Variants in ZNF536 observed in about 807,000 individuals in gnomAD.
ZNF536 encodes the protein zinc finger protein 536.
In ZNF536, 13 loss-of-function variants were observed where a neutral mutation model predicts 84.5. The ratio of observed to expected loss-of-function variants is 0.15; its 90% CI spans 0.10 to 0.24. ZNF536 has a LOEUF of 0.24. ZNF536 is among the 10% of genes least tolerant of loss of function. ZNF536 has a pLI of 1.00. For missense variants in ZNF536, 1,536 were observed against 1,747.5 expected, an observed-to-expected ratio of 0.88 and a Z score of 2.16; for synonymous variants, 811 against 742.5, an observed-to-expected ratio of 1.09 and a Z score of -1.50.
chr19:30,347,565 C>T (rs1234036717), intron 2 of ZNF536, among the ~76,000 whole-genome samples: 6 of 152,282 alleles, frequency 3.9e-5, no homozygotes, highest in South Asian at 2.1e-4. Context: ...AATGGAGGCT[C>T]GGGGTCAGGA....
intron 1 of ZNF536, among the ~76,000 whole-genome samples, chr19:30,416,255 T>C (rs10424942): frequency 0.033 from 5,058 of 151,800 alleles, 291 homozygotes; most frequent in African/African-American, 0.12. Context: ...AGATACTAGT[T>C]AGAATTTTTT....
intron 1 of ZNF536, among the ~76,000 whole-genome samples, chr19:30,674,034 T>G (rs1331854137): frequency 3.3e-5 from 5 of 152,232 alleles, no homozygotes; most frequent in African/African-American, 1.2e-4. Flanking sequence ...TTTATGGGTT[T>G]GAGTATATTG....
At chr19:30,282,856 T>G (rs1335310210) in intron 1 of ZNF536, among the ~76,000 whole-genome samples, 1 of 152,194 alleles carries the variant, frequency 6.6e-6, no homozygotes, top group Non-Finnish European at 1.5e-5. Context: ...TGTAATTTCT[T>G]TCCGTGTTGG....
chr19:30,560,470 C>T (rs1425005737), downstream of ZNF536, among the ~76,000 whole-genome samples: 1 of 152,188 alleles, frequency 6.6e-6, no homozygotes, highest in Non-Finnish European at 1.5e-5. Context: ...TAACAAACCC[C>T]ACCTGTTTGA....
In ZNF536 at chr19:30,494,969, A is replaced by G. The variant is rs552340369; in HGVS notation, c.2171-39878A>G. Reference sequence around the variant, plus strand: ...TCAAAAAAGAAAAAAAAAAAAAAAAAAGCCCCCTCAGCTGTTCTCTATGAA... The same window carrying G: ...TCAAAAAAGAAAAAAAAAAAAAAAAGAGCCCCCTCAGCTGTTCTCTATGAA... On this transcript the variant is annotated intron_variant, in intron 2 of 4. Transcript: ENST00000355537. 4.6e-5 allele frequency among the ~76,000 whole-genome samples: 7 copies of G among 151,120 alleles called. 1 individual carries two copies. Among genetic ancestry groups the G allele is most frequent in the Admixed American group, 4.0e-4 (6 of 15,036 alleles).
At chr19:30,610,431 G>T (rs2147038533) in intron 1 of ZNF536, among the ~76,000 whole-genome samples, 1 of 152,236 alleles carries the variant, frequency 6.6e-6, no homozygotes, top group East Asian at 1.9e-4. Context: ...TCCTTGTGGG[G>T]GTCTCCCCCT....
intron 2 of ZNF536, among the ~76,000 whole-genome samples, chr19:30,474,083 T>C (rs1304478766): frequency 6.6e-6 from 1 of 152,194 alleles, no homozygotes; most frequent in African/African-American, 2.4e-5. Flanking sequence ...TGTCTGACTA[T>C]TTTTAGACTG....
intron 1 of ZNF536, among the ~76,000 whole-genome samples, chr19:30,655,499 A>G (rs2049875425): frequency 6.6e-6 from 1 of 152,068 alleles, no homozygotes; most frequent in Non-Finnish European, 1.5e-5. Flanking sequence ...CTGAGGGTGA[A>G]CTCAGCCCTC....
intron 1 of ZNF536, among the ~76,000 whole-genome samples, chr19:30,263,259 G>A (rs748157682): frequency 2.0e-5 from 3 of 152,156 alleles, no homozygotes; most frequent in Non-Finnish European, 4.4e-5. Flanking sequence ...TGGATGCCAG[G>A]GCTGGTCTCT....
intron 1 of ZNF536, among the ~76,000 whole-genome samples, chr19:30,426,953 G>T (rs576614668): frequency 1.1e-3 from 174 of 152,200 alleles, no homozygotes; most frequent in Admixed American, 2.5e-3. Context: ...CTATCTATCT[G>T]CTCATTGATC....
chr19:30,315,793 G>A (rs2046658222), intron 2 of ZNF536, among the ~76,000 whole-genome samples: 2 of 152,146 alleles, frequency 1.3e-5, no homozygotes, highest in Admixed American at 6.5e-5. Flanking sequence ...TATACATCAT[G>A]TGTAGGGTGA....
At chr19:30,265,171 A>G (rs2025446242) in intron 1 of ZNF536, among the ~76,000 whole-genome samples, 2 of 151,966 alleles carry the variant, frequency 1.3e-5, no homozygotes, top group Non-Finnish European at 2.9e-5. Flanking sequence ...TGTCCCTAGA[A>G]GACAGGGGAA....
At chr19:30,700,756 C>T (rs977378332) in intron 1 of ZNF536, among the ~76,000 whole-genome samples, 3 of 152,114 alleles carry the variant, frequency 2.0e-5, no homozygotes, top group Admixed American at 6.5e-5. Context: ...CAAATGTATC[C>T]AATTGACCTA....
chr19:30,445,124 A>G lies in ZNF536; in HGVS notation c.1562A>G (p.Tyr521Cys). The change falls in exon 2 of 5, where the codon TAC becomes TGC. Residue 521 changes from tyrosine to cysteine, a missense_variant. By Grantham distance (194) the Tyr-to-Cys change is radical (BLOSUM62 -2). Coordinates refer to ENST00000355537, the MANE Select transcript of ZNF536 (RefSeq NM_014717.3). The surrounding 1 kb of genome is among the most constrained non-coding windows in gnomAD (Gnocchi z 4.5). ...KAAEMDPVNS[Y>C]QAWQLMARGM... ...GCGGAGATGGACCCCGTGAACAGCTACCAGGCTTGGCAGCTCATGGCCAGG... is the reference window on the plus strand; with the variant it reads ...GCGGAGATGGACCCCGTGAACAGCTGCCAGGCTTGGCAGCTCATGGCCAGG... 1.2e-6 allele frequency: 2 copies of G among 1,613,996 alleles called. No individual in the cohort carries two copies. Among genetic ancestry groups the G allele is most frequent in the Non-Finnish European group, 1.7e-6 (2 of 1,180,036 alleles).
intron 1 of ZNF536, among the ~76,000 whole-genome samples, chr19:30,596,275 A>AT (rs139635214): frequency 0.05 from 7,556 of 152,312 alleles, 256 homozygotes; most frequent in Non-Finnish European, 0.077. Flanking sequence ...GGGAAAAAAA[A>AT]AGAAAATGCA....
chr19:30,706,954 A>T (rs1208316729), intron 1 of ZNF536, among the ~76,000 whole-genome samples: 1 of 152,106 alleles, frequency 6.6e-6, no homozygotes, highest in African/African-American at 2.4e-5. Context: ...CTCCTTCTTT[A>T]TGTTGTTTGG....
intron 1 of ZNF536, among the ~76,000 whole-genome samples, chr19:30,677,740 C>T (rs1295047037): frequency 6.6e-6 from 1 of 152,338 alleles, no homozygotes; most frequent in East Asian, 1.9e-4. Context: ...TCTTTCCTGG[C>T]ATCAAGAAAC....
intron 1 of ZNF536, among the ~76,000 whole-genome samples, chr19:30,263,588 A>G (rs1189565451): frequency 6.6e-6 from 1 of 152,154 alleles, no homozygotes; most frequent in East Asian, 1.9e-4. Context: ...CGGCGACTCC[A>G]ATCTTCTGTG....
At chr19:30,263,389 A>T (rs1311336608) in intron 1 of ZNF536, among the ~76,000 whole-genome samples, 5 of 152,054 alleles carry the variant, frequency 3.3e-5, no homozygotes, top group Non-Finnish European at 5.9e-5. Flanking sequence ...AGCAGAACCC[A>T]CTGGGACCAG....
Sources: gnomAD v4.1 joint callset for allele counts (sites outside exome capture counted in the v4.1 genomes callset) on GRCh38, gnomAD v4.1.1 for gene constraint, Gnocchi (gnomAD v3.1) non-coding constraint, MANE v1.5 for transcripts, NCBI Gene and HGNC (gene_info 2026-07-23, HGNC 2026-07-21) for gene names.